ALPK2: variants seen among roughly 807,000 people sequenced by gnomAD.
The protein encoded by ALPK2 is alpha-protein kinase 2.
Under a neutral mutation model 163.1 loss-of-function variants are expected in ALPK2, and 127 were observed. That is an observed-to-expected ratio of 0.78 (90% confidence interval 0.67 to 0.90). The LOEUF is 0.90. Among genes scored for constraint, ALPK2 ranks in the 40% least tolerant of loss-of-function variants. The pLI is 0.00. For missense variants in ALPK2, 2,360 were observed against 2,589.6 expected (o/e 0.91, Z 1.92); for synonymous variants, 953 against 959.1 (o/e 0.99, Z 0.12).
intron 3 of ALPK2, among the ~76,000 whole-genome samples, chr18:58,592,284 A>G (rs908348050): frequency 6.6e-6 from 1 of 152,202 alleles, no homozygotes; most frequent in African/African-American, 2.4e-5. Flanking sequence ...GGTATTAAAC[A>G]GGGAGCAGTA....
intron 3 of ALPK2, among the ~76,000 whole-genome samples, chr18:58,600,384 T>G (rs2052063298): frequency 1.3e-5 from 2 of 152,168 alleles, no homozygotes; most frequent in East Asian, 1.9e-4. Context: ...TTTGCCCAGT[T>G]TCATTCATGA....
intron 4 of ALPK2, among the ~76,000 whole-genome samples, chr18:58,555,733 G>A (rs2051787096): frequency 6.6e-6 from 1 of 152,166 alleles, no homozygotes; most frequent in South Asian, 2.1e-4. Context: ...AGATGCTGGT[G>A]GCCCAACATG....
At position 58,492,288 on chromosome 18, in the gene ALPK2, GCACA is replaced by G. The variant is rs367991386; in HGVS notation, c.6296+5757_6296+5760del. Among the ~76,000 whole-genome samples, 92 of 151,504 alleles carry G rather than the reference GCACA, an allele frequency of 6.1e-4. 1 individual carries two copies. The South Asian group carries it at 0.017, about 27-fold the overall frequency. On this transcript the variant is annotated intron_variant, in intron 12 of 12. Transcript: ENST00000361673. ...GACACGCACACAGACATATATACGC[GCACA>G]CACACACGCACACATTCCCCACACC... is the stretch of plus-strand genomic sequence containing the variant.
At chr18:58,528,648 C>T (rs1057235417) in intron 6 of ALPK2, 18 of 171,858 alleles carry the variant, frequency 1.0e-4, no homozygotes, top group South Asian at 8.2e-4. Context: ...TCATAGATTG[C>T]TGTTGTTGTT....
chr18:58,540,622 T>C (rs1053217961), intron 4 of ALPK2, among the ~76,000 whole-genome samples: 1 of 152,208 alleles, frequency 6.6e-6, no homozygotes, highest in African/African-American at 2.4e-5. Flanking sequence ...GGGAACTTCC[T>C]GGTCATTATG....
rs749916673 is a variant in ALPK2 at position 58,595,072 on chromosome 18, C to CA, written c.227+12249dup. On this transcript the variant is annotated intron_variant, in intron 3 of 12. Coordinates refer to ENST00000361673, the MANE Select transcript of ALPK2 (RefSeq NM_052947.4). ...ATGACCATGTGCCATGGCCTACAAG[C>CA]AATGAGCTGACGTGGGAGTCACAGA... is the stretch of plus-strand genomic sequence containing the variant. Among the ~76,000 whole-genome samples the CA allele has an allele frequency of 3.7e-4, 56 of 152,332 alleles. 1 individual carries two copies. Among genetic ancestry groups the CA allele is most frequent in the Middle Eastern group, 6.8e-3 (2 of 294 alleles).
intron 4 of ALPK2, among the ~76,000 whole-genome samples, chr18:58,575,590 T>C (rs1282962993): frequency 6.6e-6 from 1 of 152,304 alleles, no homozygotes; most frequent in Middle Eastern, 3.4e-3. Flanking sequence ...CTTACCCTAG[T>C]GTGGCTGCCG....
intron 12 of ALPK2, among the ~76,000 whole-genome samples, chr18:58,482,888 G>A (rs1243518809): frequency 2.0e-5 from 3 of 152,194 alleles, no homozygotes; most frequent in Non-Finnish European, 4.4e-5. Context: ...AAAATTGGTT[G>A]AAGGTGCAGG....
At chr18:58,544,187 CTT>C (rs2051705748) in intron 4 of ALPK2, 1 of 152,190 alleles carries the variant, frequency 6.6e-6, no homozygotes, top group African/African-American at 2.4e-5. Context: ...TTCCAAGCCT[CTT>C]TTTGAAAGCA....
At chr18:58,528,524 A>G (rs746556478) in intron 6 of ALPK2, among the ~76,000 whole-genome samples, 1 of 151,594 alleles carries the variant, frequency 6.6e-6, no homozygotes, top group Non-Finnish European at 1.5e-5. Context: ...AGATGGGAGT[A>G]GCACCTTGTC....
chr18:58,591,323 C>T (rs73961634), intron 3 of ALPK2, among the ~76,000 whole-genome samples: 58 of 152,188 alleles, frequency 3.8e-4, no homozygotes, highest in African/African-American at 1.3e-3. Context: ...TTAAGTTATA[C>T]GGCCAAAAAA....
At chr18:58,553,850 G>GTTTTTTTTTTTTTTTTTTT (rs71173061) in intron 4 of ALPK2, among the ~76,000 whole-genome samples, 1 of 73,996 alleles carries the variant, frequency 1.4e-5, no homozygotes, top group Non-Finnish European at 2.3e-5. Context: ...TTTTTTTTTG[G>GTTTTTTTTTTTTTTTTTTT]TTTTTTTTTT....
intron 12 of ALPK2, among the ~76,000 whole-genome samples, chr18:58,483,663 G>A (rs933610651): frequency 7.1e-4 from 107 of 151,362 alleles, no homozygotes; most frequent in African/African-American, 2.5e-3. Flanking sequence ...TGATTCTCCT[G>A]CCTCAGCCTC....
chr18:58,494,329 T>C (rs1380817536), intron 12 of ALPK2, among the ~76,000 whole-genome samples: 1 of 152,224 alleles, frequency 6.6e-6, no homozygotes, highest in Non-Finnish European at 1.5e-5. Context: ...CCAGACATAA[T>C]TATATCTCTG....
chr18:58,569,916 G>A (rs1339527832), intron 4 of ALPK2, among the ~76,000 whole-genome samples: 2 of 152,098 alleles, frequency 1.3e-5, no homozygotes, highest in African/African-American at 2.4e-5. Context: ...GGATCACAAT[G>A]TCAGGAGGTC....
rs758759943 is a variant in ALPK2 at position 58,579,097 on chromosome 18, C to T, written c.1679G>A (p.Gly560Asp). Reference protein sequence around the residue: ...NANLRESTTEGTLHLCSAKES... With the variant: ...NANLRESTTEDTLHLCSAKES... ...TTTGGCAGAGCAGAGATGAAGGGTA[C>T]CTTCTGTTGTACTTTCTCTCAGGTT... The change falls in exon 4 of 13, where the codon GGT (glycine) becomes GAT (aspartate). Residue 560 changes from glycine (G) to aspartate (D), a missense_variant. By Grantham distance (94) the Gly-to-Asp change is moderately conservative. Coordinates refer to ENST00000361673, the MANE Select transcript of ALPK2 (RefSeq NM_052947.4). 16 of 1,614,160 alleles carry T rather than the reference C, an allele frequency of 9.9e-6. No individual in the cohort carries two copies. In the South Asian group the frequency reaches 1.8e-4, roughly 18 times the overall value.
intron 4 of ALPK2, chr18:58,566,556 T>C (rs2051854322): frequency 6.6e-6 from 1 of 152,214 alleles, no homozygotes; most frequent in Non-Finnish European, 1.5e-5. Flanking sequence ...GGCAGTAGAT[T>C]TGTTACAGAG....
intron 3 of ALPK2, among the ~76,000 whole-genome samples, chr18:58,588,501 C>A (rs942388511): frequency 6.6e-6 from 1 of 152,068 alleles, no homozygotes; most frequent in Non-Finnish European, 1.5e-5. Context: ...GTTTTCTGCA[C>A]CTATTAACCC....
chr18:58,621,456 A>G (rs1166319394), intron 1 of ALPK2, among the ~76,000 whole-genome samples: 1 of 152,056 alleles, frequency 6.6e-6, no homozygotes, highest in Admixed American at 6.6e-5. Context: ...TATTTTTAGT[A>G]GAGACAGGGT....
Sources: allele counts gnomAD v4.1 joint callset (sites outside exome capture counted in the v4.1 genomes callset), GRCh38; gene constraint gnomAD v4.1.1; transcripts MANE v1.5; gene names NCBI Gene and HGNC (gene_info 2026-07-23, HGNC 2026-07-21).